The following PPM1E variants were observed in gnomAD, a reference collection of about 807,000 sequenced individuals.
The protein encoded by PPM1E is protein phosphatase 1E.
In PPM1E, 20 loss-of-function variants were observed where a neutral mutation model predicts 65.9. That is an observed-to-expected ratio of 0.30 (90% CI 0.21 to 0.44). PPM1E has a LOEUF of 0.44. Ranked by LOEUF, PPM1E falls within the 20% of genes least tolerant of loss-of-function variation. PPM1E has a pLI of 1.00. For missense variants in PPM1E, 713 were observed against 953.1 expected, an observed-to-expected ratio of 0.75 and a Z score of 3.32; for synonymous variants, 352 against 374.9, an observed-to-expected ratio of 0.94 and a Z score of 0.70.
chr17:58,834,748 G>A (rs1351067304), intron 1 of PPM1E, among the ~76,000 whole-genome samples: 3 of 152,076 alleles, frequency 2.0e-5, no homozygotes, highest in Non-Finnish European at 4.4e-5. Context: ...CTATTGATCT[G>A]TGTGTCTGTC....
chr17:58,862,733 G>C (rs2050955438), intron 1 of PPM1E, among the ~76,000 whole-genome samples: 1 of 152,196 alleles, frequency 6.6e-6, no homozygotes, highest in African/African-American at 2.4e-5. Flanking sequence ...CAATAATACT[G>C]TTTTCCCCAA....
At chr17:58,886,957 C>T (rs1486677779) in intron 1 of PPM1E, among the ~76,000 whole-genome samples, 2 of 152,084 alleles carry the variant, frequency 1.3e-5, no homozygotes, top group Non-Finnish European at 2.9e-5. Flanking sequence ...GAACCTAAAA[C>T]TGCTCTTAAA....
intron 2 of PPM1E, among the ~76,000 whole-genome samples, chr17:58,960,105 T>C (rs1489060417): frequency 6.6e-6 from 1 of 152,136 alleles, no homozygotes; most frequent in Non-Finnish European, 1.5e-5. Context: ...GATACACAGG[T>C]AGATTCAAGG....
chr17:58,807,111 C>T (rs1475402612), intron 1 of PPM1E, among the ~76,000 whole-genome samples: 1 of 152,072 alleles, frequency 6.6e-6, no homozygotes, highest in East Asian at 1.9e-4. Flanking sequence ...ATTGTAGCAG[C>T]ATTAGAAAAT....
At chr17:58,873,455 C>T (rs907711365) in intron 1 of PPM1E, among the ~76,000 whole-genome samples, 8 of 152,000 alleles carry the variant, frequency 5.3e-5, no homozygotes, top group African/African-American at 1.9e-4. Context: ...AACCATGTAT[C>T]TAATGAAGCA....
intron 1 of PPM1E, among the ~76,000 whole-genome samples, chr17:58,885,488 T>C (rs773301052): frequency 1.3e-5 from 2 of 152,258 alleles, no homozygotes; most frequent in Non-Finnish European, 2.9e-5. Flanking sequence ...TTAAAAGCTC[T>C]TTAGGAATAA....
intron 1 of PPM1E, among the ~76,000 whole-genome samples, chr17:58,796,583 A>C (rs1433978280): frequency 2.0e-5 from 3 of 151,076 alleles, no homozygotes; most frequent in African/African-American, 7.3e-5. Flanking sequence ...ATGGCACTTT[A>C]ATTTGACATT....
chr17:58,846,232 C>T (rs1206132806), intron 1 of PPM1E, among the ~76,000 whole-genome samples: 4 of 151,970 alleles, frequency 2.6e-5, no homozygotes, highest in Non-Finnish European at 5.9e-5. Context: ...TTGAGGAAAC[C>T]GTTTTCCACA....
intron 1 of PPM1E, among the ~76,000 whole-genome samples, chr17:58,954,631 A>C (rs1305488368): frequency 6.6e-6 from 1 of 152,096 alleles, no homozygotes; most frequent in Non-Finnish European, 1.5e-5. Flanking sequence ...TAATCCCAGC[A>C]CTTTGGGAGA....
At chr17:58,908,462 G>A (rs1162927854) in intron 1 of PPM1E, among the ~76,000 whole-genome samples, 2 of 150,226 alleles carry the variant, frequency 1.3e-5, no homozygotes, top group Non-Finnish European at 3.0e-5. Flanking sequence ...TTTTTAAGGC[G>A]GGGTTTTGCT....
intron 1 of PPM1E, among the ~76,000 whole-genome samples, chr17:58,894,943 A>G (rs1324722394): frequency 6.6e-6 from 1 of 152,082 alleles, no homozygotes; most frequent in African/African-American, 2.4e-5. Context: ...CAGATGCTAC[A>G]TTTTTTCACA....
chr17:58,865,724 G>A (rs548908316), intron 1 of PPM1E, among the ~76,000 whole-genome samples: 1 of 152,190 alleles, frequency 6.6e-6, no homozygotes, highest in African/African-American at 2.4e-5. Context: ...ACAAACAAAA[G>A]TTTCTTTGTC....
At chr17:58,865,596 A>T (rs533343920) in intron 1 of PPM1E, among the ~76,000 whole-genome samples, 1 of 152,266 alleles carries the variant, frequency 6.6e-6, no homozygotes. Flanking sequence ...TTTACTCAGA[A>T]GGCTGAGGCA....
At chr17:58,826,362 G>T (rs1025187718) in intron 1 of PPM1E, among the ~76,000 whole-genome samples, 3 of 149,836 alleles carry the variant, frequency 2.0e-5, no homozygotes, top group Non-Finnish European at 4.4e-5. Context: ...TATTATGAAA[G>T]AAATTTAGCT....
At chr17:58,873,565 G>A (rs946987419) in intron 1 of PPM1E, among the ~76,000 whole-genome samples, 1 of 141,012 alleles carries the variant, frequency 7.1e-6, no homozygotes, top group Non-Finnish European at 1.5e-5. Flanking sequence ...AATGCTCATA[G>A]TATTATTATT....
chr17:58,927,288 G>A (rs989390531), intron 1 of PPM1E, among the ~76,000 whole-genome samples: 11 of 151,606 alleles, frequency 7.3e-5, no homozygotes, highest in African/African-American at 2.4e-4. Context: ...CACCATGCCC[G>A]GCTAATTTTT....
At chr17:58,922,643 G>T (rs2051767232) in intron 1 of PPM1E, among the ~76,000 whole-genome samples, 1 of 149,350 alleles carries the variant, frequency 6.7e-6, no homozygotes, top group African/African-American at 2.5e-5. Flanking sequence ...TTATTTCTAG[G>T]TTTTCACTGT....
rs1567838819 is a variant in PPM1E, at chr17:58,805,971, AAAC to A, written c.464+49513_464+49515del. Among the ~76,000 whole-genome samples, 58 of 118,968 alleles carry A rather than the reference AAAC, an allele frequency of 4.9e-4. 1 individual carries two copies. Among genetic ancestry groups the A allele is most frequent in the African/African-American group, 9.1e-4 (25 of 27,324 alleles). 78.0% of individuals were successfully genotyped at this position (118,968 alleles called of 152,430 possible). A position where few individuals can be genotyped will look rare whatever the true frequency, so the allele number is the denominator to read the frequency against. On this transcript the variant is annotated intron_variant, in intron 1 of 6. Coordinates refer to ENST00000308249, the MANE Select transcript of PPM1E (RefSeq NM_014906.5). ...TGCTAAAAAAAAAAACAAAAAAAAA[AAAC>A]AAAAAAAAAACAAAACAAAACAAAA...
rs919983450 is a variant in PPM1E at position 58,784,169 on chromosome 17, C to T, written c.464+27708C>T. ...TCCCGAGTAGCTGGGATTACAGGTACGCACCACCACACCCAGCTAATTTTT... is the reference window on the plus strand; with the variant it reads ...TCCCGAGTAGCTGGGATTACAGGTATGCACCACCACACCCAGCTAATTTTT... On this transcript the variant is annotated intron_variant, in intron 1 of 6. Transcript: ENST00000308249. 1.8e-4 allele frequency among the ~76,000 whole-genome samples: 27 copies of T among 151,462 alleles called. No homozygotes were observed. The South Asian group carries it at 4.6e-3, about 26-fold the overall frequency.
Sources: allele counts gnomAD v4.1 joint callset (sites outside exome capture counted in the v4.1 genomes callset), GRCh38; gene constraint gnomAD v4.1.1; transcripts MANE v1.5; gene names NCBI Gene and HGNC (gene_info 2026-07-23, HGNC 2026-07-21).